DNAJC6: variants seen among roughly 807,000 people sequenced by gnomAD.
DNAJC6 encodes the protein auxilin.
In DNAJC6, 34 loss-of-function variants were observed where a neutral mutation model predicts 110.0. The observed-to-expected ratio is 0.31, with a 90% CI of 0.24 to 0.41. The LOEUF (loss-of-function observed/expected upper bound fraction) is 0.41. Ranked by LOEUF, DNAJC6 falls within the 10% of genes least tolerant of loss-of-function variation. The probability of loss-of-function intolerance (pLI) is 1.00; values close to 1 mark genes in which losing one functional copy is unlikely to be tolerated. For synonymous variants in DNAJC6, 406 were observed against 437.2 expected (o/e 0.93, Z 0.89); for missense variants, 1,031 against 1,207.8 (o/e 0.85, Z 2.17).
intron 1 of DNAJC6, among the ~76,000 whole-genome samples, chr1:65,348,985 TAA>T (rs1370644936): frequency 6.9e-6 from 1 of 145,570 alleles, no homozygotes; most frequent in African/African-American, 2.5e-5. Context: ...TGTAAATATA[TAA>T]ATATATATGT....
intron 1 of DNAJC6, among the ~76,000 whole-genome samples, chr1:65,320,445 A>C (rs2101411018): frequency 6.6e-6 from 1 of 152,250 alleles, no homozygotes; most frequent in African/African-American, 2.4e-5. Flanking sequence ...TGAGTCAGGA[A>C]CTCCAAATCT....
At chr1:65,370,249 G>T (rs1557546356) in intron 4 of DNAJC6, among the ~76,000 whole-genome samples, 1 of 152,124 alleles carries the variant, frequency 6.6e-6, no homozygotes, top group Non-Finnish European at 1.5e-5. Context: ...AAAAATTATT[G>T]TGGTAAAATA....
intron 1 of DNAJC6, among the ~76,000 whole-genome samples, chr1:65,322,463 A>G (rs1445739696): frequency 1.3e-5 from 2 of 152,206 alleles, no homozygotes; most frequent in African/African-American, 4.8e-5. Context: ...TAACATTGTC[A>G]TAGATAACTT....
At chr1:65,274,709 G>T (rs995525521) in intron 1 of DNAJC6, among the ~76,000 whole-genome samples, 4 of 152,114 alleles carry the variant, frequency 2.6e-5, no homozygotes, top group Non-Finnish European at 4.4e-5. Context: ...TGACAATATG[G>T]TCTTTAGTTT....
intron 1 of DNAJC6, among the ~76,000 whole-genome samples, chr1:65,301,682 G>A (rs1028812257): frequency 6.6e-6 from 1 of 152,132 alleles, no homozygotes; most frequent in Non-Finnish European, 1.5e-5. Context: ...CATCCTCCAG[G>A]AACCTCCACT....
At chr1:65,387,879 A>G (rs532404993) in intron 8 of DNAJC6, among the ~76,000 whole-genome samples, 1 of 152,332 alleles carries the variant, frequency 6.6e-6, no homozygotes, top group East Asian at 1.9e-4. Flanking sequence ...AAGGGACTCA[A>G]TTTCACAAGG....
chr1:65,305,767 A>AT (rs76906371), upstream of DNAJC6, among the ~76,000 whole-genome samples: 97,420 of 151,954 alleles, frequency 0.64, 31,436 homozygotes, highest in East Asian at 0.79. Flanking sequence ...ATGTTATCAT[A>AT]GTCATAATGA....
intron 1 of DNAJC6, among the ~76,000 whole-genome samples, chr1:65,356,914 G>A (rs541748254): frequency 6.6e-6 from 1 of 152,172 alleles, no homozygotes; most frequent in South Asian, 2.1e-4. Context: ...TGGGGAATGA[G>A]ACGTAAGCAG....
chr1:65,314,684 C>T lies in DNAJC6; in HGVS notation c.193+4746C>T, dbSNP rs957609244. Among the ~76,000 whole-genome samples the T allele has an allele frequency of 5.3e-5, 8 of 152,208 alleles. No individual in the cohort carries two copies. The East Asian group carries it at 1.2e-3, about 22-fold the overall frequency. On this transcript the variant is annotated intron_variant, in intron 1 of 18. Transcript: ENST00000371069. ...TGTACTTTTAGAAAAGACGGAGTTT[C>T]GCCATGTTGGCCAGGTTGGTCTTGG...
chr1:65,288,292 T>C (rs1260724478), intron 1 of DNAJC6, among the ~76,000 whole-genome samples: 1 of 152,230 alleles, frequency 6.6e-6, no homozygotes, highest in Non-Finnish European at 1.5e-5. Flanking sequence ...AATTTGTTGC[T>C]GTTTTCTCTG....
At chr1:65,362,727 C>T (rs555869737) in intron 1 of DNAJC6, among the ~76,000 whole-genome samples, 219 of 152,322 alleles carry the variant, frequency 1.4e-3, no homozygotes, top group African/African-American at 5.1e-3. Context: ...GAGAATGACT[C>T]ACGCTCTTGA....
chr1:65,404,120 G>A (rs1646053975), intron 15 of DNAJC6, among the ~76,000 whole-genome samples: 1 of 152,178 alleles, frequency 6.6e-6, no homozygotes, highest in African/African-American at 2.4e-5. Flanking sequence ...ATTGGCAGGA[G>A]GGCTCTGGGA....
At chr1:65,291,859 C>G (rs1480210690) in intron 1 of DNAJC6, among the ~76,000 whole-genome samples, 1 of 152,120 alleles carries the variant, frequency 6.6e-6, no homozygotes, top group Non-Finnish European at 1.5e-5. Context: ...GATTTGTACC[C>G]AGATCTGTGT....
At chr1:65,384,377 A>G (rs750128331) in intron 6 of DNAJC6, 51 bp downstream of exon 6, 1 of 1,402,376 alleles carries the variant, frequency 7.1e-7, no homozygotes, top group East Asian at 2.7e-5. Context: ...AATTGGTATC[A>G]TGTACTGTTT....
rs190788171 is a variant in DNAJC6 at position 65,337,103 on chromosome 1, C to G, written c.193+27165C>G. Among the ~76,000 whole-genome samples, 686 of 151,082 alleles carry G rather than the reference C, an allele frequency of 4.5e-3. 5 individuals carry two copies. Among genetic ancestry groups the G allele is most frequent in the South Asian group, 0.011 (54 of 4,698 alleles). Reference sequence around the variant, plus strand: ...CTGCATCCCTGTGGTGTCACTTAACCTGTTCCTTTGTCCTCTGTGTTCCCG... The same window carrying G: ...CTGCATCCCTGTGGTGTCACTTAACGTGTTCCTTTGTCCTCTGTGTTCCCG... On this transcript the variant is annotated intron_variant, in intron 1 of 18. Coordinates refer to ENST00000371069, the MANE Select transcript of DNAJC6 (RefSeq NM_001256864.2).
At chr1:65,295,772 G>A (rs12046725) in intron 1 of DNAJC6, among the ~76,000 whole-genome samples, 17,734 of 152,102 alleles carry the variant, frequency 0.12, 1,365 homozygotes, top group East Asian at 0.27. Flanking sequence ...GGTTTGTGTC[G>A]ACTTAAGTTT....
intron 1 of DNAJC6, among the ~76,000 whole-genome samples, chr1:65,364,323 T>G (rs775969241): frequency 6.6e-6 from 1 of 152,192 alleles, no homozygotes; most frequent in Non-Finnish European, 1.5e-5. Flanking sequence ...TGTTTTATAT[T>G]TACTGCACAT....
At chr1:65,379,259 C>T (rs1377581370) in intron 4 of DNAJC6, 143 bp from the exon 5 acceptor site, 5 of 929,362 alleles carry the variant, frequency 5.4e-6, no homozygotes, top group Non-Finnish European at 7.7e-6. Context: ...CTTCTTCATG[C>T]ATTTGGACCC....
chr1:65,334,347 G>C (rs1429236950), intron 1 of DNAJC6, among the ~76,000 whole-genome samples: 3 of 152,222 alleles, frequency 2.0e-5, no homozygotes. Flanking sequence ...TGTTGCTGGA[G>C]ACAGCAAAAA....
Sources: gnomAD v4.1 joint callset for allele counts (sites outside exome capture counted in the v4.1 genomes callset) on GRCh38, gnomAD v4.1.1 for gene constraint, MANE v1.5 for transcripts, NCBI Gene and HGNC (gene_info 2026-07-23, HGNC 2026-07-21) for gene names.